Variants in TFEB observed in about 807,000 individuals in gnomAD.
TFEB encodes T-cell transcription factor EB.
In TFEB, 12 loss-of-function variants were observed where a neutral mutation model predicts 48.0. That is an observed-to-expected ratio of 0.25 (90% CI 0.16 to 0.40). The LOEUF (loss-of-function observed/expected upper bound fraction) is 0.40. Ranked by LOEUF, TFEB falls within the 10% of genes least tolerant of loss-of-function variation. The pLI, the probability that TFEB is intolerant of heterozygous loss-of-function variation, is 1.00. For missense variants in TFEB, 509 were observed against 640.3 expected, an observed-to-expected ratio of 0.79 and a Z score of 2.21; for synonymous variants, 244 against 261.4, an observed-to-expected ratio of 0.93 and a Z score of 0.64.
In TFEB at chr6:41,723,995, ACACCTG is replaced by A. The variant is rs1771102469; in HGVS notation, c.-23+11349_-23+11354del. The A allele has an allele frequency of 2.0e-6, 1 of 490,868 alleles. No homozygotes were observed. Among genetic ancestry groups the A allele is most frequent in the Admixed American group, 2.1e-5 (1 of 47,604 alleles). The allele number at this position is 490,868 out of a possible 1,614,324, so 30.4% of individuals were successfully genotyped here. ...GCTCACCATCTTCCTGACTGGCCAT[ACACCTG>A]CAGTCTTGGCCTTGGGCCTTCCCAG... On this transcript the variant is annotated intron_variant, in intron 1 of 8. Transcript: ENST00000373033. This position sits in a 1 kb window ranked among gnomAD's most constrained non-coding sequence, Gnocchi z 6.0.
intron 1 of TFEB, among the ~76,000 whole-genome samples, chr6:41,698,501 A>C (rs776358007): frequency 2.2e-4 from 34 of 152,204 alleles, no homozygotes; most frequent in Non-Finnish European, 4.7e-4. Context: ...CAAAGAGCAG[A>C]GATAATTTCC....
chr6:41,707,955 G>A (rs1296788167), intron 1 of TFEB, among the ~76,000 whole-genome samples: 1 of 152,242 alleles, frequency 6.6e-6, no homozygotes, highest in Non-Finnish European at 1.5e-5. Context: ...GCCTCAGGAT[G>A]CTAGAGTTGG....
In TFEB at chr6:41,702,325, G is replaced by C. The variant is rs77187677; in HGVS notation, c.-22-11090C>G. On this transcript the variant is annotated intron_variant, in intron 1 of 8. Coordinates refer to ENST00000373033, the MANE Select transcript of TFEB (RefSeq NM_001271944.2). ...GCTGAGACGGTTAGCCCGCCTGAGA[G>C]CCTGGGTCGGAGGGGGCGGAAGGGG... Among the ~76,000 whole-genome samples the C allele has an allele frequency of 6.4e-3, 971 of 152,324 alleles. 4 individuals carry two copies. Among genetic ancestry groups the C allele is most frequent in the African/African-American group, 0.022 (925 of 41,554 alleles).
Position 41,723,429 on chromosome 6 carries a change from ACT to A in TFEB, c.-23+11919_-23+11920del, listed in dbSNP as rs199744561. On this transcript the variant is annotated intron_variant, in intron 1 of 8. Coordinates refer to ENST00000373033, the MANE Select transcript of TFEB (RefSeq NM_001271944.2). This position sits in a 1 kb window ranked among gnomAD's most constrained non-coding sequence, Gnocchi z 6.0. ...CACACATGCTCACACACATGCACAC[ACT>A]CACACACATGCACGCGTGTGCTCTC... 1,506 of 1,186,340 alleles carry A rather than the reference ACT, an allele frequency of 1.3e-3. 9 individuals are homozygous for A. In the African/African-American group the frequency reaches 0.016, roughly 13 times the overall value. The allele number at this position is 1,186,340 out of a possible 1,614,324, so 73.5% of individuals were successfully genotyped here. A position where few individuals can be genotyped will look rare whatever the true frequency, so the allele number is the denominator to read the frequency against.
At chr6:41,714,916 G>C (rs1770669018) in intron 1 of TFEB, among the ~76,000 whole-genome samples, 1 of 152,230 alleles carries the variant, frequency 6.6e-6, no homozygotes. Context: ...ACGACAAGGA[G>C]CCTGGGAGTC....
chr6:41,714,097 G>A (rs13215052), intron 1 of TFEB, among the ~76,000 whole-genome samples: 11,786 of 151,652 alleles, frequency 0.078, 597 homozygotes, highest in Admixed American at 0.15. Context: ...CTGTGTGTGC[G>A]TGTGTGTGTG....
intron 1 of TFEB, among the ~76,000 whole-genome samples, chr6:41,717,053 T>A (rs948920587): frequency 1.3e-5 from 2 of 152,186 alleles, no homozygotes; most frequent in Non-Finnish European, 2.9e-5. Context: ...GGCAGAGCTG[T>A]ACTGAGGCAC....
intron 3 of TFEB, 37 bp downstream of exon 3, chr6:41,690,626 T>C (rs759649178): frequency 2.0e-6 from 3 of 1,493,352 alleles, no homozygotes; most frequent in African/African-American, 2.8e-5. Flanking sequence ...GCACGAGCTC[T>C]GCAAGCAGCA....
rs1352030875 is a variant in TFEB, at chr6:41,703,431, GGCTCCTGCCCCT to G, written c.-22-12208_-22-12197del. On this transcript the variant is annotated intron_variant, in intron 1 of 8. Coordinates refer to ENST00000373033, the MANE Select transcript of TFEB (RefSeq NM_001271944.2). Reference sequence around the variant, plus strand: ...GAGCACTCCAACCCCGCCAGTGCCTGGCTCCTGCCCCTGCTCCTGGGGCTGCTCCTCCTCCGT... The same window carrying G: ...GAGCACTCCAACCCCGCCAGTGCCTGGCTCCTGGGGCTGCTCCTCCTCCGT... 3.9e-5 allele frequency among the ~76,000 whole-genome samples: 6 copies of G among 152,274 alleles called. No individual in the cohort carries two copies. The East Asian group carries it at 1.2e-3, about 29-fold the overall frequency.
Position 41,684,863 on chromosome 6 carries a change from G to A in TFEB, c.1167C>T (p.Ser389=). 1.3e-6 allele frequency: 2 copies of A among 1,576,006 alleles called. No homozygotes were observed. The highest frequency in any genetic ancestry group is 1.3e-5 in the African/African-American group (1 of 74,198). ...GGCTGAAGTCCAGGTGATGGAATGG[G>A]GATGGTGGCTGGGTGGGCAGGGGCA... is the stretch of plus-strand genomic sequence containing the variant. The part of the protein sequence containing the change: ...APLPLPTQPP[S]PFHHLDFSHS... Residue 389 remains serine (S), a synonymous_variant, in exon 9 of 9, where the codon TCC becomes TCT. Coordinates refer to ENST00000373033, the MANE Select transcript of TFEB (RefSeq NM_001271944.2).
At chr6:41,712,852 G>C (rs1332424003) in intron 1 of TFEB, among the ~76,000 whole-genome samples, 1 of 152,156 alleles carries the variant, frequency 6.6e-6, no homozygotes, top group Non-Finnish European at 1.5e-5. Flanking sequence ...CCCCTCCCAG[G>C]CAGCACAGCT....
chr6:41,696,117 G>C (rs1244434276), intron 1 of TFEB, among the ~76,000 whole-genome samples: 1 of 152,238 alleles, frequency 6.6e-6, no homozygotes, highest in African/African-American at 2.4e-5. Flanking sequence ...TCTGAGGGGA[G>C]TACCATCTTC....
intron 1 of TFEB, among the ~76,000 whole-genome samples, chr6:41,722,395 A>G (rs940715726): frequency 1.3e-5 from 2 of 152,354 alleles, no homozygotes; most frequent in Admixed American, 1.3e-4. Flanking sequence ...CTGCAAGGCC[A>G]GCCCTCACAC....
rs745380083 is a variant in TFEB at position 41,690,666 on chromosome 6, C to T, written c.465G>A (p.Arg155=). 1.3e-6 allele frequency: 2 copies of T among 1,519,286 alleles called. No homozygotes were observed. Among genetic ancestry groups the T allele is most frequent in the Admixed American group, 2.1e-5 (1 of 48,716 alleles). The allele number at this position is 1,519,286 out of a possible 1,614,324, so 94.1% of individuals were successfully genotyped here. ...CACTGGCCAGCTCCTCACTCACCTC[C>T]CTCTCAGGGTTGGAGCCAATGTGCA... The part of the protein sequence containing the change: ...AMLHIGSNPE[R]ELDDVIDNIM... The change falls in exon 3 of 9, where the codon AGG becomes AGA. Residue 155 remains arginine (R), a synonymous_variant. Transcript: ENST00000373033.
intron 1 of TFEB, among the ~76,000 whole-genome samples, chr6:41,709,954 A>ATTTG (rs1770409324): frequency 6.6e-6 from 1 of 151,754 alleles, no homozygotes; most frequent in African/African-American, 2.4e-5. Flanking sequence ...GCCCCCACTA[A>ATTTG]TTTGTTTATT....
intron 1 of TFEB, among the ~76,000 whole-genome samples, chr6:41,716,353 C>A (rs1770733387): frequency 6.6e-6 from 1 of 152,186 alleles, no homozygotes; most frequent in Admixed American, 6.5e-5. Flanking sequence ...GGGCTTGCCT[C>A]CCTCCTCTGA....
In TFEB at chr6:41,684,971, T is replaced by C. The variant is rs1768921317; in HGVS notation, c.1059A>G (p.Glu353=). ...GCATCAGGGCCTCCCCTGGGCCCTC[T>C]TCGCTAGGCAGCTCCTGCTTCACCA... ...QQVVKQELPS[E]EGPGEALMLG... Residue 353 remains glutamate, a synonymous_variant, in exon 9 of 9, where the codon GAA becomes GAG. Coordinates refer to ENST00000373033, the MANE Select transcript of TFEB (RefSeq NM_001271944.2). 1.3e-6 allele frequency: 2 copies of C among 1,578,288 alleles called. No individual in the cohort carries two copies. Among genetic ancestry groups the C allele is most frequent in the Non-Finnish European group, 8.6e-7 (1 of 1,162,340 alleles).
chr6:41,712,040 C>T (rs1427848492), intron 1 of TFEB, among the ~76,000 whole-genome samples: 1 of 152,184 alleles, frequency 6.6e-6, no homozygotes, highest in East Asian at 1.9e-4. Context: ...CAGTCCCCAG[C>T]CCCGGCCATA....
intron 1 of TFEB, chr6:41,735,108 C>T: frequency 1.0e-6 from 1 of 982,746 alleles, no homozygotes; most frequent in Non-Finnish European, 1.2e-6. Context: ...CCCCGGCCCG[C>T]GCCTGAAGGG....
Sources: allele counts gnomAD v4.1 joint callset (sites outside exome capture counted in the v4.1 genomes callset), GRCh38; gene constraint gnomAD v4.1.1; non-coding constraint Gnocchi (gnomAD v3.1); transcripts MANE v1.5; gene names NCBI Gene and HGNC (gene_info 2026-07-23, HGNC 2026-07-21).